The following TENM3 variants were observed in gnomAD, a reference collection of about 807,000 sequenced individuals.
TENM3 encodes teneurin-3.
In TENM3, 63 loss-of-function variants were observed where a neutral mutation model predicts 255.1. The observed-to-expected ratio is 0.25, with a 90% CI of 0.20 to 0.30. The LOEUF (loss-of-function observed/expected upper bound fraction) is 0.30, where lower values mean the gene tolerates loss of function less well. Ranked by LOEUF, TENM3 falls within the 10% of genes least tolerant of loss-of-function variation. The probability of loss-of-function intolerance (pLI) is 1.00; values close to 1 mark genes in which losing one functional copy is unlikely to be tolerated. For missense variants in TENM3, 2,929 were observed against 3,461.1 expected (o/e 0.85, Z 3.86); for synonymous variants, 1,306 against 1,322.3 (o/e 0.99, Z 0.27).
At chr4:182,244,510 G>A (rs1757519107) in intron 1 of TENM3, among the ~76,000 whole-genome samples, 1 of 152,142 alleles carries the variant, frequency 6.6e-6, no homozygotes, top group African/African-American at 2.4e-5. Flanking sequence ...TATTTCCACA[G>A]CCTCCAGGGT....
At chr4:182,279,019 G>C (rs1284934281) in intron 1 of TENM3, among the ~76,000 whole-genome samples, 3 of 152,194 alleles carry the variant, frequency 2.0e-5, no homozygotes, top group African/African-American at 7.2e-5. Flanking sequence ...TCGGGGCAGG[G>C]GCCGCTGCAA....
chr4:181,577,064 TTA>T, the TENM3 span, among the ~76,000 whole-genome samples: 2 of 115,630 alleles, frequency 1.7e-5, no homozygotes, highest in South Asian at 5.0e-4. Context: ...AAATTATATA[TTA>T]TATATAAATA....
At chr4:182,051,479 G>T in the TENM3 span, among the ~76,000 whole-genome samples, 1 of 147,968 alleles carries the variant, frequency 6.8e-6, no homozygotes, top group East Asian at 2.1e-4. Flanking sequence ...CTGGGTTCAC[G>T]CCATTCTCCT....
At chr4:181,520,523 C>A in the TENM3 span, among the ~76,000 whole-genome samples, 1 of 151,906 alleles carries the variant, frequency 6.6e-6, no homozygotes. Flanking sequence ...AACTATGCCT[C>A]AAACAAAACA....
At chr4:181,890,471 G>GA in the TENM3 span, among the ~76,000 whole-genome samples, 1 of 151,776 alleles carries the variant, frequency 6.6e-6, no homozygotes. Context: ...GTTGAAAGAA[G>GA]AAAAAAATAG....
At chr4:181,817,966 G>T in the TENM3 span, among the ~76,000 whole-genome samples, 1 of 152,268 alleles carries the variant, frequency 6.6e-6, no homozygotes, top group African/African-American at 2.4e-5. Flanking sequence ...GTTTGTTGCT[G>T]GTCTCTTTGG....
At chr4:181,885,626 A>G in the TENM3 span, among the ~76,000 whole-genome samples, 1 of 152,204 alleles carries the variant, frequency 6.6e-6, no homozygotes, top group South Asian at 2.1e-4. Context: ...GAGCATGAAA[A>G]AAATCACTCC....
chr4:182,343,882 G>A (rs1385171151), intron 2 of TENM3, among the ~76,000 whole-genome samples: 4 of 152,158 alleles, frequency 2.6e-5, no homozygotes, highest in Non-Finnish European at 1.5e-5. Context: ...CCACTGAGGA[G>A]AAGTGACAAC....
intron 1 of TENM3, among the ~76,000 whole-genome samples, chr4:182,153,834 C>T (rs556896003): frequency 9.9e-5 from 15 of 152,158 alleles, no homozygotes; most frequent in South Asian, 4.1e-4. Flanking sequence ...GAATGTATCA[C>T]GTATTTCATG....
At chr4:182,039,593 A>G in the TENM3 span, among the ~76,000 whole-genome samples, 1 of 152,146 alleles carries the variant, frequency 6.6e-6, no homozygotes, top group Non-Finnish European at 1.5e-5. Flanking sequence ...ACAAACATGA[A>G]TGATACTATA....
At chr4:181,649,920 G>A in the TENM3 span, among the ~76,000 whole-genome samples, 4 of 152,246 alleles carry the variant, frequency 2.6e-5, no homozygotes, top group East Asian at 3.9e-4. Context: ...AGTTGTACCC[G>A]GAAGGAAGCG....
chr4:182,470,296 T>G (rs191309900), intron 3 of TENM3, among the ~76,000 whole-genome samples: 11 of 152,352 alleles, frequency 7.2e-5, no homozygotes, highest in African/African-American at 2.6e-4. Context: ...TTTAGAAGTT[T>G]GTTTATAATT....
At chr4:182,448,767 T>C (rs1773159263) in intron 3 of TENM3, among the ~76,000 whole-genome samples, 1 of 151,630 alleles carries the variant, frequency 6.6e-6, no homozygotes, top group Non-Finnish European at 1.5e-5. Context: ...GGGGCACGGC[T>C]GCTCACAGGC....
intron 1 of TENM3, among the ~76,000 whole-genome samples, chr4:182,292,632 A>C (rs768306088): frequency 6.6e-6 from 1 of 152,052 alleles, no homozygotes; most frequent in African/African-American, 2.4e-5. Flanking sequence ...TCATGCTTTG[A>C]TCTCTTCTCT....
intron 3 of TENM3, among the ~76,000 whole-genome samples, chr4:182,582,674 AG>A (rs1745613816): frequency 6.6e-6 from 1 of 152,208 alleles, no homozygotes; most frequent in Non-Finnish European, 1.5e-5. Flanking sequence ...AGTAGCAAAC[AG>A]TATTTTTTAG....
At chr4:182,325,462 A>G (rs1763331023) in intron 2 of TENM3, among the ~76,000 whole-genome samples, 1 of 152,224 alleles carries the variant, frequency 6.6e-6, no homozygotes, top group South Asian at 2.1e-4. Flanking sequence ...CTGGTATCAA[A>G]TTTTATGAAA....
chr4:181,860,980 CA>C, the TENM3 span, among the ~76,000 whole-genome samples: 2 of 152,022 alleles, frequency 1.3e-5, no homozygotes, highest in African/African-American at 4.8e-5. Context: ...TTCTCACAAA[CA>C]GGGGTTGATA....
chr4:182,775,243 C>A (rs547601232), intron 24 of TENM3, 90 bp downstream of exon 24: 11 of 1,110,452 alleles, frequency 9.9e-6, no homozygotes, highest in Middle Eastern at 2.4e-4. Context: ...TGCTCACCCC[C>A]CTATGTCTAC....
At chr4:182,255,199 T>G (rs2150134090) in intron 1 of TENM3, among the ~76,000 whole-genome samples, 1 of 152,266 alleles carries the variant, frequency 6.6e-6, no homozygotes, top group Admixed American at 6.5e-5. Context: ...CTTGCACATG[T>G]TAGACAGATC....
Sources: allele counts gnomAD v4.1 joint callset (sites outside exome capture counted in the v4.1 genomes callset), GRCh38; gene constraint gnomAD v4.1.1; transcripts MANE v1.5; gene names NCBI Gene and HGNC (gene_info 2026-07-23, HGNC 2026-07-21).